PLXNA4: variants seen among roughly 807,000 people sequenced by gnomAD.
The protein encoded by PLXNA4 is plexin A4, also known as plexin-A4.
A neutral mutation model predicts 191.8 loss-of-function variants in PLXNA4; 44 were observed. That is an observed-to-expected ratio of 0.23 (90% CI 0.18 to 0.29). The LOEUF is 0.29. Ranked by LOEUF, PLXNA4 falls within the 10% of genes least tolerant of loss-of-function variation. The pLI is 1.00. For missense variants in PLXNA4, 1,800 were observed against 2,488.8 expected (o/e 0.72, Z 5.89); for synonymous variants, 1,082 against 1,009.5 (o/e 1.07, Z -1.36).
rs2288972 is a variant in PLXNA4, at chr7:132,423,045, C to T, written c.1371+66247G>A. ...ATTAAGAACATTCATCATCCCTGCC[C>T]CGCTAGCCCCTTGGGGTGGCATGGA... On this transcript the variant is annotated intron_variant, in intron 3 of 31. Coordinates refer to ENST00000321063, the MANE Select transcript of PLXNA4 (RefSeq NM_020911.2). 4.1e-3 allele frequency among the ~76,000 whole-genome samples: 621 copies of T among 152,286 alleles called. 11 individuals carry two copies. Among genetic ancestry groups the T allele is most frequent in the East Asian group, 0.024 (123 of 5,160 alleles).
intron 3 of PLXNA4, among the ~76,000 whole-genome samples, chr7:132,488,698 T>C (rs1797659059): frequency 6.6e-6 from 1 of 152,148 alleles, no homozygotes; most frequent in South Asian, 2.1e-4. Flanking sequence ...CTCCAGAACC[T>C]GCCAGCTTCC....
intron 2 of PLXNA4, among the ~76,000 whole-genome samples, chr7:132,637,976 C>T (rs1215697854): frequency 6.6e-6 from 1 of 152,226 alleles, no homozygotes; most frequent in East Asian, 1.9e-4. Flanking sequence ...TTCCTGGCCT[C>T]TGTCAGTCCT....
At chr7:132,150,959 C>T (rs896917942) in intron 25 of PLXNA4, among the ~76,000 whole-genome samples, 1 of 152,140 alleles carries the variant, frequency 6.6e-6, no homozygotes, top group Non-Finnish European at 1.5e-5. Flanking sequence ...ACCTCCATGC[C>T]CCTATCCAAA....
At chr7:132,303,668 T>A (rs1349967084) in intron 3 of PLXNA4, among the ~76,000 whole-genome samples, 1 of 152,130 alleles carries the variant, frequency 6.6e-6, no homozygotes, top group Admixed American at 6.5e-5. Flanking sequence ...GGAAACCACA[T>A]CCCAATCCTG....
At chr7:132,450,089 T>A (rs2023516) in intron 3 of PLXNA4, among the ~76,000 whole-genome samples, 106,178 of 151,718 alleles carry the variant, frequency 0.7, 43,208 homozygotes, top group Non-Finnish European at 0.91. Context: ...GACTGCTCTA[T>A]GGTACACCTC....
intron 25 of PLXNA4, among the ~76,000 whole-genome samples, chr7:132,157,206 C>T (rs1048279352): frequency 2.6e-5 from 4 of 152,194 alleles, no homozygotes; most frequent in Non-Finnish European, 5.9e-5. Flanking sequence ...CTCTGGGAAG[C>T]GGGTAGCCTT....
chr7:132,304,246 GAGA>G (rs1375538586), intron 3 of PLXNA4, among the ~76,000 whole-genome samples: 1 of 152,156 alleles, frequency 6.6e-6, no homozygotes, highest in African/African-American at 2.4e-5. Context: ...AGAGAGACTA[GAGA>G]AGATCAGAGA....
At chr7:132,302,936 G>T (rs1801362325) in intron 3 of PLXNA4, among the ~76,000 whole-genome samples, 1 of 152,068 alleles carries the variant, frequency 6.6e-6, no homozygotes, top group Non-Finnish European at 1.5e-5. Context: ...GAGTGCAATG[G>T]CACGATCTCA....
chr7:132,625,344 T>C (rs1465165570), intron 2 of PLXNA4, among the ~76,000 whole-genome samples: 2 of 152,184 alleles, frequency 1.3e-5, no homozygotes, highest in Non-Finnish European at 2.9e-5. Flanking sequence ...TTCTGACATT[T>C]GTGTCCTTAA....
chr7:132,312,059 G>A (rs998724679), intron 3 of PLXNA4, among the ~76,000 whole-genome samples: 23 of 151,808 alleles, frequency 1.5e-4, no homozygotes, highest in African/African-American at 5.6e-4. Flanking sequence ...CCCGCCCTCA[G>A]TTGAGGGGCC....
chr7:132,181,256 C>T, intron 18 of PLXNA4, 125 bp downstream of exon 18: 3 of 1,500,270 alleles, frequency 2.0e-6, no homozygotes, highest in Non-Finnish European at 2.7e-6. Context: ...ACACTCTGGG[C>T]TACACTGCAA....
At chr7:132,353,706 C>T (rs1467280107) in intron 3 of PLXNA4, among the ~76,000 whole-genome samples, 2 of 152,050 alleles carry the variant, frequency 1.3e-5, no homozygotes, top group Admixed American at 1.3e-4. Flanking sequence ...TTATTTGACC[C>T]AATAAGTCTA....
intron 2 of PLXNA4, among the ~76,000 whole-genome samples, chr7:132,631,496 T>A (rs1803489760): frequency 6.6e-6 from 1 of 152,108 alleles, no homozygotes; most frequent in Non-Finnish European, 1.5e-5. Context: ...TTCCAGTAGA[T>A]CATTTAGCTA....
intron 2 of PLXNA4, among the ~76,000 whole-genome samples, chr7:132,612,998 C>T (rs1803083359): frequency 6.6e-6 from 1 of 151,754 alleles, no homozygotes; most frequent in Admixed American, 6.6e-5. Context: ...AAAAAAAAAA[C>T]GGACTTAATC....
At chr7:132,214,371 G>C (rs1797899133) in intron 9 of PLXNA4, among the ~76,000 whole-genome samples, 1 of 152,166 alleles carries the variant, frequency 6.6e-6, no homozygotes, top group Non-Finnish European at 1.5e-5. Flanking sequence ...CATATAAAAA[G>C]GTTGGCAGCT....
intron 12 of PLXNA4, among the ~76,000 whole-genome samples, chr7:132,201,777 G>A (rs1797442692): frequency 6.6e-6 from 1 of 152,204 alleles, no homozygotes; most frequent in South Asian, 2.1e-4. Context: ...GGAGTGGGAG[G>A]AGAAGAGACA....
chr7:132,510,682 C>A (rs955751815), intron 1 of PLXNA4, among the ~76,000 whole-genome samples: 20 of 152,150 alleles, frequency 1.3e-4, no homozygotes, highest in Admixed American at 2.0e-4. Flanking sequence ...AAGGAGCAGG[C>A]TGCAGGAGGC....
At chr7:132,180,899 C>A (rs1239317763) in intron 18 of PLXNA4, among the ~76,000 whole-genome samples, 167 bp from the exon 19 acceptor site, 1 of 152,218 alleles carries the variant, frequency 6.6e-6, no homozygotes, top group Non-Finnish European at 1.5e-5. Context: ...ACCACCATTG[C>A]CTCTTCCTCC....
At chr7:132,240,961 G>A (rs1312247409) in intron 5 of PLXNA4, 105 bp downstream of exon 5, 8 of 693,024 alleles carry the variant, frequency 1.2e-5, no homozygotes, top group Non-Finnish European at 1.9e-5. Context: ...AATAGCTGAG[G>A]AGAAAAGACA....
Sources: gnomAD v4.1 joint callset for allele counts (sites outside exome capture counted in the v4.1 genomes callset) on GRCh38, gnomAD v4.1.1 for gene constraint, MANE v1.5 for transcripts, NCBI Gene and HGNC (gene_info 2026-07-23, HGNC 2026-07-21) for gene names.